Variants in LRRFIP2 observed in about 807,000 individuals in gnomAD.
LRRFIP2 encodes LRR binding FLII interacting protein 2.
LRRFIP2 carries 109 observed loss-of-function variants against 125.9 expected under a neutral mutation model. The ratio of observed to expected loss-of-function variants is 0.87; its 90% CI spans 0.74 to 1.01. The LOEUF is 1.01. LRRFIP2 is among the 50% of genes least tolerant of loss of function. The pLI is 0.00. For missense variants in LRRFIP2, 850 were observed against 862.3 expected (o/e 0.99, Z 0.18); for synonymous variants, 291 against 293.1 (o/e 0.99, Z 0.07).
intron 2 of LRRFIP2, among the ~76,000 whole-genome samples, chr3:37,142,879 G>A (rs1235048719): frequency 1.3e-5 from 2 of 152,214 alleles, no homozygotes; most frequent in Non-Finnish European, 2.9e-5. Context: ...AGGTGATATA[G>A]TTTAGATGTC....
At chr3:37,166,782 G>A (rs759277346) in intron 1 of LRRFIP2, among the ~76,000 whole-genome samples, 23 of 152,142 alleles carry the variant, frequency 1.5e-4, no homozygotes, top group Non-Finnish European at 2.9e-4. Flanking sequence ...ACTTTGGGAG[G>A]CTGAGGTGGG....
At chr3:37,127,138 T>C (rs2095304915) in intron 4 of LRRFIP2, among the ~76,000 whole-genome samples, 1 of 152,268 alleles carries the variant, frequency 6.6e-6, no homozygotes, top group Non-Finnish European at 1.5e-5. Context: ...AATTTAGGAA[T>C]GATTCACATT....
intron 2 of LRRFIP2, among the ~76,000 whole-genome samples, chr3:37,146,089 T>C (rs1034341702): frequency 3.9e-5 from 6 of 152,090 alleles, no homozygotes; most frequent in African/African-American, 1.4e-4. Context: ...AAATACTTAG[T>C]GACAACACAA....
rs943821963 is a variant in LRRFIP2 at position 37,052,654 on chromosome 3, A to G, written c.*1197T>C. ...GGAACAAATATTAGAGATTTTATTCACTTTTGAGTTACCTTTTTAAAGTCT... is the reference window on the plus strand; with the variant it reads ...GGAACAAATATTAGAGATTTTATTCGCTTTTGAGTTACCTTTTTAAAGTCT... On this transcript the variant is annotated 3_prime_UTR_variant, in exon 28 of 28. Transcript: ENST00000336686. The G allele has an allele frequency of 6.6e-6, 1 of 152,192 alleles. No homozygotes were observed. The highest frequency in any genetic ancestry group is 2.4e-5 in the African/African-American group (1 of 41,438). 9.4% of individuals were successfully genotyped at this position (152,192 alleles called of 1,614,324 possible).
rs1177982459 is a variant in LRRFIP2 at position 37,112,980 on chromosome 3, T to G, written c.373A>C (p.Asn125His). 1 of 1,559,358 alleles carries G rather than the reference T, an allele frequency of 6.4e-7. No homozygotes were observed. Among genetic ancestry groups the G allele is most frequent in the Non-Finnish European group, 8.8e-7 (1 of 1,138,558 alleles). The change falls in exon 8 of 28, where the codon AAT (asparagine) becomes CAT (histidine). Residue 125 changes from asparagine to histidine, a missense_variant and splice_region_variant. Transcript: ENST00000336686. ...CCATGAGAGTGACTGTAAGAATGAT[T>G]CTGGAAGTAAATATTCCAAGTTAAC... Reference protein sequence around the residue: ...KDRSSRLSSLNHSYSHSHGMK... With the variant: ...KDRSSRLSSLHHSYSHSHGMK...
At chr3:37,109,464 A>T (rs567458868) in intron 11 of LRRFIP2, 63 bp downstream of exon 11, 1 of 1,550,398 alleles carries the variant, frequency 6.4e-7, no homozygotes, top group East Asian at 2.2e-5. Context: ...GTCAAGCCAT[A>T]GAGTTAGCAC....
At chr3:37,124,570 C>T (rs11927149) in intron 4 of LRRFIP2, among the ~76,000 whole-genome samples, 53,397 of 151,954 alleles carry the variant, frequency 0.35, 10,545 homozygotes, top group Non-Finnish European at 0.45. Flanking sequence ...CCTTAGAGAT[C>T]ATCTAGTCTG....
intron 21 of LRRFIP2, among the ~76,000 whole-genome samples, chr3:37,072,399 G>C (rs2091356524): frequency 6.6e-6 from 1 of 151,618 alleles, no homozygotes; most frequent in South Asian, 2.1e-4. Flanking sequence ...CTACTCGGGA[G>C]GCTGAGGCAG....
intron 24 of LRRFIP2, among the ~76,000 whole-genome samples, chr3:37,059,806 T>TAAA (rs1224018296): frequency 6.6e-6 from 1 of 150,772 alleles, no homozygotes; most frequent in Non-Finnish European, 1.5e-5. Context: ...AAAATAATAA[T>TAAA]AATAATAATT....
intron 19 of LRRFIP2, among the ~76,000 whole-genome samples, chr3:37,082,429 T>C (rs572451099): frequency 9.9e-5 from 15 of 152,236 alleles, no homozygotes; most frequent in African/African-American, 3.4e-4. Flanking sequence ...TTTCATATAC[T>C]CCCTGTCCCC....
intron 11 of LRRFIP2, 50 bp from the exon 12 acceptor site, chr3:37,108,734 T>C (rs527575730): frequency 8.2e-6 from 12 of 1,469,268 alleles, no homozygotes; most frequent in East Asian, 4.5e-5. Context: ...AAGGTTGTTT[T>C]GAAAATGACT....
chr3:37,169,100 G>A (rs2096549782), intron 1 of LRRFIP2, among the ~76,000 whole-genome samples: 1 of 152,094 alleles, frequency 6.6e-6, no homozygotes, highest in South Asian at 2.1e-4. Context: ...ATACCATATA[G>A]TCTAGGTGTG....
chr3:37,100,515 A>C (rs2093981644), intron 15 of LRRFIP2, among the ~76,000 whole-genome samples: 1 of 150,618 alleles, frequency 6.6e-6, no homozygotes, highest in South Asian at 2.1e-4. Context: ...AACAGGGGTT[A>C]GCCAGATTTG....
chr3:37,135,120 C>T (rs2095524510), intron 2 of LRRFIP2: 3 of 1,264,406 alleles, frequency 2.4e-6, no homozygotes, highest in African/African-American at 1.5e-5. Context: ...ACCTTAAAGT[C>T]AGAATAACCT....
intron 25 of LRRFIP2, among the ~76,000 whole-genome samples, chr3:37,055,464 G>A (rs62244266): frequency 0.054 from 8,242 of 152,240 alleles, 325 homozygotes; most frequent in Non-Finnish European, 0.082. Context: ...TACTCGGGAA[G>A]CTGAGGCAGG....
chr3:37,076,166 G>GA lies in LRRFIP2; in HGVS notation c.1279-1051dup, dbSNP rs149141141. 7.5e-3 allele frequency among the ~76,000 whole-genome samples: 1,147 copies of GA among 152,090 alleles called. 18 individuals carry two copies. Among genetic ancestry groups the GA allele is most frequent in the African/African-American group, 0.026 (1,092 of 41,502 alleles). On this transcript the variant is annotated intron_variant, in intron 19 of 27. Coordinates refer to ENST00000336686, the MANE Select transcript of LRRFIP2 (RefSeq NM_006309.4). ...ACCAAGGAGTGGGGCAATCTTTACT[G>GA]AAAAAATGACTCAAAAATCCACAAG...
chr3:37,057,797 G>A (rs1244366406), intron 25 of LRRFIP2, among the ~76,000 whole-genome samples: 3 of 152,076 alleles, frequency 2.0e-5, no homozygotes, highest in East Asian at 1.9e-4. Flanking sequence ...TCCTCTGTCC[G>A]AGAATTACAC....
intron 24 of LRRFIP2, 56 bp from the exon 25 acceptor site, chr3:37,058,966 G>A: frequency 6.2e-7 from 1 of 1,604,944 alleles, no homozygotes; most frequent in Non-Finnish European, 8.5e-7. Flanking sequence ...TGAAGCCGAT[G>A]CTTATTCTAT....
chr3:37,121,958 G>A (rs1332142566), intron 4 of LRRFIP2, among the ~76,000 whole-genome samples: 1 of 150,908 alleles, frequency 6.6e-6, no homozygotes, highest in African/African-American at 2.4e-5. Context: ...TATGGTACAT[G>A]TGCACAACGT....
Sources: allele counts gnomAD v4.1 joint callset (sites outside exome capture counted in the v4.1 genomes callset), GRCh38; gene constraint gnomAD v4.1.1; transcripts MANE v1.5; gene names NCBI Gene and HGNC (gene_info 2026-07-23, HGNC 2026-07-21).